Variants in SPTLC1 observed in about 807,000 individuals in gnomAD.
The protein encoded by SPTLC1 is serine palmitoyltransferase long chain base subunit 1, also known as serine palmitoyltransferase 1.
A neutral mutation model predicts 68.9 loss-of-function variants in SPTLC1; 55 were observed. The ratio of observed to expected loss-of-function variants is 0.80; its 90% CI spans 0.64 to 1.00. SPTLC1 has a LOEUF of 1.00. SPTLC1 is among the 50% of genes least tolerant of loss of function. The probability of loss-of-function intolerance (pLI) is 0.00; values close to 1 mark genes in which losing one functional copy is unlikely to be tolerated. For synonymous variants in SPTLC1, 197 were observed against 201.6 expected (o/e 0.98, Z 0.19); for missense variants, 449 against 573.1 (o/e 0.78, Z 2.21).
At chr9:92,060,258 G>A (rs7872515) in intron 6 of SPTLC1, among the ~76,000 whole-genome samples, 37,845 of 151,976 alleles carry the variant, frequency 0.25, 6,701 homozygotes, top group African/African-American at 0.49. Flanking sequence ...GGACTACAGC[G>A]GCACAATATG....
At chr9:92,058,323 C>T (rs1432422874) in intron 7 of SPTLC1, among the ~76,000 whole-genome samples, 7 of 152,086 alleles carry the variant, frequency 4.6e-5, no homozygotes, top group African/African-American at 1.7e-4. Context: ...AAAATTAACA[C>T]AAAATACACA....
chr9:92,087,965 C>T (rs1835215259), intron 3 of SPTLC1, among the ~76,000 whole-genome samples: 1 of 152,244 alleles, frequency 6.6e-6, no homozygotes, highest in African/African-American at 2.4e-5. Context: ...CGCCCCTCTC[C>T]CGGCCTCGCT....
intron 3 of SPTLC1, 119 bp from the exon 4 acceptor site, chr9:92,081,082 CT>C: frequency 1.4e-6 from 1 of 722,470 alleles, no homozygotes; most frequent in Non-Finnish European, 2.5e-6. Context: ...GCATACTGGT[CT>C]TTGATTTCTT....
chr9:92,085,655 C>T (rs1364437813), intron 3 of SPTLC1, among the ~76,000 whole-genome samples: 6 of 150,908 alleles, frequency 4.0e-5, no homozygotes, highest in African/African-American at 1.5e-4. Context: ...GAGAGCTTTA[C>T]TTCCAACTAT....
chr9:92,069,686 C>T (rs141758736), intron 5 of SPTLC1, among the ~76,000 whole-genome samples: 5 of 152,270 alleles, frequency 3.3e-5, no homozygotes, highest in East Asian at 1.9e-4. Flanking sequence ...GTTCTCTGAG[C>T]GCCATCACTT....
At chr9:92,100,280 C>G (rs932302907) in intron 3 of SPTLC1, among the ~76,000 whole-genome samples, 1 of 152,114 alleles carries the variant, frequency 6.6e-6, no homozygotes, top group African/African-American at 2.4e-5. Context: ...TGCTTGATGC[C>G]CACAGGGCTA....
At chr9:92,084,011 T>C (rs1389803722) in intron 3 of SPTLC1, among the ~76,000 whole-genome samples, 1 of 152,182 alleles carries the variant, frequency 6.6e-6, no homozygotes, top group Non-Finnish European at 1.5e-5. Flanking sequence ...GAATTGTGAA[T>C]GGGAGTTCAC....
intron 9 of SPTLC1, among the ~76,000 whole-genome samples, chr9:92,049,474 G>T (rs79847521): frequency 0.013 from 1,923 of 152,092 alleles, 23 homozygotes; most frequent in Middle Eastern, 0.027. Flanking sequence ...CATGCCAGTG[G>T]TGTTTCTGAC....
chr9:92,092,957 A>C (rs1587594982), intron 3 of SPTLC1, among the ~76,000 whole-genome samples: 1 of 152,216 alleles, frequency 6.6e-6, no homozygotes, highest in East Asian at 1.9e-4. Flanking sequence ...AGACTGCATG[A>C]GAGTGGTTCT....
intron 3 of SPTLC1, among the ~76,000 whole-genome samples, chr9:92,099,654 GA>G (rs1835674186): frequency 6.6e-6 from 1 of 151,618 alleles, no homozygotes; most frequent in African/African-American, 2.4e-5. Flanking sequence ...TAATTTTTTG[GA>G]TTCTTTGGTA....
intron 3 of SPTLC1, chr9:92,104,544 T>C (rs1389531518): frequency 1.4e-6 from 2 of 1,442,064 alleles, no homozygotes; most frequent in African/African-American, 1.4e-5. Context: ...TCCAGGATGT[T>C]TGGACACCTC....
Position 92,104,617 on chromosome 9 carries a change from G to A in SPTLC1, c.260+4123C>T, listed in dbSNP as rs185147015. On this transcript the variant is annotated intron_variant, in intron 3 of 14. Coordinates refer to ENST00000262554, the MANE Select transcript of SPTLC1 (RefSeq NM_006415.4). ...ACCTTCAACTTCCTTCATTAGATGA[G>A]CAGGTGATCCCAGCCAGGCTCCCGA... 3 of 1,478,928 alleles carry A rather than the reference G, an allele frequency of 2.0e-6. No homozygotes were observed. The East Asian group carries it at 7.4e-5, about 36-fold the overall frequency. 91.6% of individuals were successfully genotyped at this position (1,478,928 alleles called of 1,614,324 possible). A position where few individuals can be genotyped will look rare whatever the true frequency, so the allele number is the denominator to read the frequency against.
chr9:92,075,342 T>G (rs1834645885), intron 5 of SPTLC1, among the ~76,000 whole-genome samples: 1 of 152,188 alleles, frequency 6.6e-6, no homozygotes, highest in South Asian at 2.1e-4. Flanking sequence ...TACCAGGTTT[T>G]GCCATCCTAA....
intron 5 of SPTLC1, chr9:92,070,266 T>C (rs753119548): frequency 2.6e-5 from 4 of 152,216 alleles, no homozygotes; most frequent in Non-Finnish European, 4.4e-5. Context: ...TTTCTCTTGA[T>C]GCTCCTTTGT....
At chr9:92,036,299 C>T (rs559680954) in intron 13 of SPTLC1, among the ~76,000 whole-genome samples, 4 of 152,328 alleles carry the variant, frequency 2.6e-5, no homozygotes, top group South Asian at 4.1e-4. Flanking sequence ...ACAGACTTTT[C>T]GTTTCCTCTT....
At chr9:92,074,351 C>A (rs1334989005) in intron 5 of SPTLC1, among the ~76,000 whole-genome samples, 1 of 152,046 alleles carries the variant, frequency 6.6e-6, no homozygotes, top group Non-Finnish European at 1.5e-5. Flanking sequence ...CCTAGTTATC[C>A]CCACCTGCCC....
chr9:92,037,098 A>G (rs1833167948), intron 13 of SPTLC1, among the ~76,000 whole-genome samples: 1 of 152,242 alleles, frequency 6.6e-6, no homozygotes, highest in Admixed American at 6.5e-5. Flanking sequence ...ATTCCAGATT[A>G]CGTGGCTCAA....
intron 6 of SPTLC1, among the ~76,000 whole-genome samples, chr9:92,061,361 G>A (rs1034529710): frequency 1.2e-4 from 18 of 152,092 alleles, no homozygotes; most frequent in African/African-American, 2.4e-4. Flanking sequence ...TTCTAATGCC[G>A]AAAGAAAATA....
At chr9:92,087,948 T>C (rs1179698355) in intron 3 of SPTLC1, among the ~76,000 whole-genome samples, 1 of 152,242 alleles carries the variant, frequency 6.6e-6, no homozygotes, top group African/African-American at 2.4e-5. Context: ...GCCTGGGCAA[T>C]GGCGGGCGCC....
Sources: gnomAD v4.1 joint callset for allele counts (sites outside exome capture counted in the v4.1 genomes callset) on GRCh38, gnomAD v4.1.1 for gene constraint, MANE v1.5 for transcripts, NCBI Gene and HGNC (gene_info 2026-07-23, HGNC 2026-07-21) for gene names.